The following ATXN10 variants were observed in gnomAD, a reference collection of about 807,000 sequenced individuals.
The protein encoded by ATXN10 is ataxin-10.
Under a neutral mutation model 52.9 loss-of-function variants are expected in ATXN10, and 28 were observed. That is an observed-to-expected ratio of 0.53 (90% CI 0.39 to 0.73). ATXN10 has a LOEUF of 0.73. Among genes scored for constraint, ATXN10 ranks in the 30% least tolerant of loss-of-function variants. The probability of loss-of-function intolerance (pLI) is 0.00; values close to 1 mark genes in which losing one functional copy is unlikely to be tolerated. For missense variants in ATXN10, 565 were observed against 577.0 expected, an observed-to-expected ratio of 0.98 and a Z score of 0.21; for synonymous variants, 226 against 221.5, an observed-to-expected ratio of 1.02 and a Z score of -0.18.
In ATXN10 at chr22:45,784,431, T is replaced by G. The variant is rs1280115753; in HGVS notation, c.1174-22528T>G. 6.6e-6 allele frequency among the ~76,000 whole-genome samples: 1 copy of G among 152,186 alleles called. No homozygotes were observed. The highest frequency in any genetic ancestry group is 1.5e-5 in the Non-Finnish European group (1 of 68,038). ...ATTTTCAAGCAGAGCTAACACAGCT[T>G]CTAAGACATATGATCTTGATTCGTA... On this transcript the variant is annotated intron_variant, in intron 9 of 11. Transcript: ENST00000252934. This position sits in a 1 kb window ranked among gnomAD's most constrained non-coding sequence, Gnocchi z 4.2.
At chr22:45,704,464 TGTTTTGTA>T (rs1430277675) in intron 5 of ATXN10, among the ~76,000 whole-genome samples, 5 of 152,168 alleles carry the variant, frequency 3.3e-5, no homozygotes, top group Non-Finnish European at 7.3e-5. Flanking sequence ...TCGTCAGTTA[TGTTTTGTA>T]GTTTTTAGTC....
rs951926905 is a variant in ATXN10, at chr22:45,787,247, C to T, written c.1174-19712C>T. Among the ~76,000 whole-genome samples the T allele has an allele frequency of 6.6e-6, 1 of 152,132 alleles. No individual in the cohort carries two copies. Among genetic ancestry groups the T allele is most frequent in the Non-Finnish European group, 1.5e-5 (1 of 68,016 alleles). ...CCCATCTCAGGGTTGGGGCTTGGCT[C>T]CTGAAAGAAGGGTCAGACCCTAGAG... is the stretch of plus-strand genomic sequence containing the variant. On this transcript the variant is annotated intron_variant, in intron 9 of 11. Transcript: ENST00000252934. The surrounding 1 kb of genome is among the most constrained non-coding windows in gnomAD (Gnocchi z 4.2).
At chr22:45,700,092 G>A (rs1053043182) in intron 3 of ATXN10, among the ~76,000 whole-genome samples, 190 bp from the exon 4 acceptor site, 9 of 152,148 alleles carry the variant, frequency 5.9e-5, no homozygotes, top group Non-Finnish European at 8.8e-5. Flanking sequence ...GATTACAGGC[G>A]TGAGCCGCCG....
rs888527965 is a variant in ATXN10 at position 45,787,215 on chromosome 22, A to T, written c.1174-19744A>T. On this transcript the variant is annotated intron_variant, in intron 9 of 11. Transcript: ENST00000252934. This position sits in a 1 kb window ranked among gnomAD's most constrained non-coding sequence, Gnocchi z 4.2. ...AACACAGAGAATTTTCATGGATAGG[A>T]TCTGTCCCCATCTCAGGGTTGGGGC... 6.6e-6 allele frequency among the ~76,000 whole-genome samples: 1 copy of T among 152,164 alleles called. No homozygotes were observed. The highest frequency in any genetic ancestry group is 2.4e-5 in the African/African-American group (1 of 41,422).
At chr22:45,791,064 G>T (rs2146864587) in intron 9 of ATXN10, among the ~76,000 whole-genome samples, 1 of 152,124 alleles carries the variant, frequency 6.6e-6, no homozygotes. Context: ...TCTCTATGTT[G>T]CCCAGGCTGG....
In ATXN10 at chr22:45,684,135, T is replaced by G. The variant is rs1473119825; in HGVS notation, c.117-5577T>G. On this transcript the variant is annotated intron_variant, in intron 1 of 11. Transcript: ENST00000252934. The surrounding 1 kb of genome is among the most constrained non-coding windows in gnomAD (Gnocchi z 4.1). ...GCCCAGCTAATTAAAACAAGTTTTT[T>G]TGTTTTTTTTTTTTTTGTAGAGATA... 1.6e-5 allele frequency among the ~76,000 whole-genome samples: 1 copy of G among 61,636 alleles called. No individual in the cohort carries two copies. Among genetic ancestry groups the G allele is most frequent in the African/African-American group, 7.6e-5 (1 of 13,130 alleles). The allele number at this position is 61,636 out of a possible 152,430, so 40.4% of individuals were successfully genotyped here. A position where few individuals can be genotyped will look rare whatever the true frequency, so the allele number is the denominator to read the frequency against.
At chr22:45,802,892 C>CA (rs1220067633) in intron 9 of ATXN10, among the ~76,000 whole-genome samples, 2 of 151,784 alleles carry the variant, frequency 1.3e-5, no homozygotes, top group African/African-American at 4.8e-5. Flanking sequence ...TCTCACTAAT[C>CA]AAAAAAAACC....
intron 9 of ATXN10, among the ~76,000 whole-genome samples, chr22:45,782,731 A>C (rs1299665152): frequency 6.6e-6 from 1 of 152,226 alleles, no homozygotes. Flanking sequence ...CGATACACGT[A>C]AGATTTGTGC....
chr22:45,811,432 C>T (rs950362610), intron 10 of ATXN10, among the ~76,000 whole-genome samples: 3 of 152,146 alleles, frequency 2.0e-5, no homozygotes, highest in Non-Finnish European at 1.5e-5. Context: ...TTGGTCAACA[C>T]AGACCCATAT....
At position 45,677,950 on chromosome 22, in the gene ATXN10, C is replaced by G. The variant is rs1922768547; in HGVS notation, c.116+5771C>G. On this transcript the variant is annotated intron_variant, in intron 1 of 11. Coordinates refer to ENST00000252934, the MANE Select transcript of ATXN10 (RefSeq NM_013236.4). This position sits in a 1 kb window ranked among gnomAD's most constrained non-coding sequence, Gnocchi z 4.1. ...TGGAATATGACCAAGCAGTTTTACT[C>G]TTAGGTATGTGCCCGAAGAAAATGA... The G allele has an allele frequency of 6.6e-6, 1 of 152,104 alleles. No homozygotes were observed. The highest frequency in any genetic ancestry group is 1.5e-5 in the Non-Finnish European group (1 of 68,012). The allele number at this position is 152,104 out of a possible 1,614,324, so 9.4% of individuals were successfully genotyped here. A position where few individuals can be genotyped will look rare whatever the true frequency, so the allele number is the denominator to read the frequency against.
rs138957711 is a variant in ATXN10 at position 45,837,505 on chromosome 22, G to A, written c.1238-5486G>A. The stretch of plus-strand genomic sequence containing the variant: ...TCTCATACTCCTGACCTCGTGATCC[G>A]CCTGCCTCAGCCTCCCAAAGTGTTG... On this transcript the variant is annotated intron_variant, in intron 10 of 11. Coordinates refer to ENST00000252934, the MANE Select transcript of ATXN10 (RefSeq NM_013236.4). This position sits in a 1 kb window ranked among gnomAD's most constrained non-coding sequence, Gnocchi z 5.8. Among the ~76,000 whole-genome samples, 46 of 152,200 alleles carry A rather than the reference G, an allele frequency of 3.0e-4. 1 individual carries two copies. In the East Asian group the frequency reaches 8.5e-3, roughly 28 times the overall value.
At chr22:45,735,106 C>T (rs1021545563) in intron 7 of ATXN10, among the ~76,000 whole-genome samples, 4 of 151,770 alleles carry the variant, frequency 2.6e-5, no homozygotes, top group Admixed American at 1.3e-4. Context: ...CTTGAACTCC[C>T]GACTTTGGGT....
chr22:45,843,614 A>C lies in ATXN10; in HGVS notation c.1426-55A>C. 1 of 1,587,970 alleles carries C rather than the reference A, an allele frequency of 6.3e-7. No individual in the cohort carries two copies. Among genetic ancestry groups the C allele is most frequent in the South Asian group, 1.1e-5 (1 of 89,628 alleles). On this transcript the variant is annotated intron_variant, in intron 11 of 11. Transcript: ENST00000252934. This position sits in a 1 kb window ranked among gnomAD's most constrained non-coding sequence, Gnocchi z 4.5. Reference sequence around the variant, plus strand: ...GGGTTTTTTCCCCTTTTGTCTGATGAATCTTGTGAACAGATTTGCTACATC... The same window carrying C: ...GGGTTTTTTCCCCTTTTGTCTGATGCATCTTGTGAACAGATTTGCTACATC...
intron 8 of ATXN10, among the ~76,000 whole-genome samples, chr22:45,739,141 G>A (rs1012593023): frequency 2.0e-5 from 3 of 152,166 alleles, no homozygotes; most frequent in South Asian, 2.1e-4. Flanking sequence ...TGAAGAAGGT[G>A]GGGCAGGCAG....
intron 10 of ATXN10, among the ~76,000 whole-genome samples, chr22:45,822,781 C>T (rs1477975347): frequency 6.6e-6 from 1 of 152,016 alleles, no homozygotes; most frequent in Non-Finnish European, 1.5e-5. Context: ...CTTGGCCTCC[C>T]AAAGTGTTGG....
At chr22:45,800,404 A>C (rs962637647) in intron 9 of ATXN10, among the ~76,000 whole-genome samples, 6 of 152,252 alleles carry the variant, frequency 3.9e-5, no homozygotes, top group African/African-American at 1.4e-4. Flanking sequence ...GGGAAATGTA[A>C]ATTAAGACCA....
rs1929399694 is a variant in ATXN10 at position 45,843,065 on chromosome 22, A to G, written c.1312A>G (p.Lys438Glu). 16 of 1,614,218 alleles carry G rather than the reference A, an allele frequency of 9.9e-6. No homozygotes were observed. The highest frequency in any genetic ancestry group is 1.4e-5 in the Non-Finnish European group (16 of 1,180,038). ...DNSQNQDLIA[K>E]MEEQGLADAS... is the part of the protein sequence containing the mutation. The stretch of plus-strand genomic sequence containing the variant: ...CAGCCAAAACCAAGATTTGATTGCA[A>G]AGATGGAGGAACAGGGGCTGGCAGA... Residue 438 changes from lysine to glutamate, a missense_variant, in exon 11 of 12, where the codon AAG becomes GAG. Physicochemically the swap from Lys to Glu is moderately conservative, Grantham distance 56. Transcript: ENST00000252934. The surrounding 1 kb of genome is among the most constrained non-coding windows in gnomAD (Gnocchi z 4.5).
rs368846836 is a variant in ATXN10, at chr22:45,723,017, T to C, written c.728+4524T>C. 9.8e-5 allele frequency among the ~76,000 whole-genome samples: 15 copies of C among 152,306 alleles called. No homozygotes were observed. In the East Asian group the frequency reaches 2.5e-3, roughly 25 times the overall value. On this transcript the variant is annotated intron_variant, in intron 6 of 11. Transcript: ENST00000252934. The stretch of plus-strand genomic sequence containing the variant: ...TGAAGCCAGGGATCCTGACTTCTTA[T>C]ACTTAGCAATAACTGTTACATTATG...
chr22:45,814,992 C>G (rs1928409390), intron 10 of ATXN10, among the ~76,000 whole-genome samples: 1 of 152,192 alleles, frequency 6.6e-6, no homozygotes, highest in Non-Finnish European at 1.5e-5. Context: ...AAACAAGTCC[C>G]TGGTGCCAAA....
Sources: allele counts gnomAD v4.1 joint callset (sites outside exome capture counted in the v4.1 genomes callset), GRCh38; gene constraint gnomAD v4.1.1; non-coding constraint Gnocchi (gnomAD v3.1); transcripts MANE v1.5; gene names NCBI Gene and HGNC (gene_info 2026-07-23, HGNC 2026-07-21).